Variants in KATNA1 observed in about 807,000 individuals in gnomAD.
KATNA1 encodes the protein katanin p60 ATPase-containing subunit A1.
KATNA1 carries 42 observed loss-of-function variants against 62.6 expected under a neutral mutation model. The ratio of observed to expected loss-of-function variants is 0.67; its 90% confidence interval spans 0.52 to 0.87. KATNA1 has a LOEUF of 0.87. KATNA1 is among the 40% of genes least tolerant of loss of function. KATNA1 has a pLI of 0.00. For synonymous variants in KATNA1, 186 were observed against 201.9 expected, an observed-to-expected ratio of 0.92 and a Z score of 0.67; for missense variants, 498 against 612.5, an observed-to-expected ratio of 0.81 and a Z score of 1.97.
At chr6:149,608,457 G>A (rs763669304) in intron 4 of KATNA1, among the ~76,000 whole-genome samples, 30 of 152,174 alleles carry the variant, frequency 2.0e-4, no homozygotes, top group Non-Finnish European at 3.5e-4. Flanking sequence ...GGAAGGGGCA[G>A]TCTAGCAAGA....
intron 1 of KATNA1, among the ~76,000 whole-genome samples, chr6:149,645,722 G>A (rs1780460563): frequency 6.6e-6 from 1 of 152,186 alleles, no homozygotes; most frequent in East Asian, 1.9e-4. Flanking sequence ...GTTAGCTAAT[G>A]ACTAAATTAA....
chr6:149,609,680 A>G (rs9485405), intron 4 of KATNA1, among the ~76,000 whole-genome samples: 68,762 of 151,122 alleles, frequency 0.46, 17,009 homozygotes, highest in East Asian at 0.81. Context: ...ATGGGCACCT[A>G]TAATCCTAGC....
At chr6:149,603,991 A>G (rs1434026982) in intron 5 of KATNA1, among the ~76,000 whole-genome samples, 1 of 152,228 alleles carries the variant, frequency 6.6e-6, no homozygotes, top group Non-Finnish European at 1.5e-5. Context: ...CCTAATAATC[A>G]TTAAGGTTTT....
intron 1 of KATNA1, among the ~76,000 whole-genome samples, chr6:149,648,022 G>A (rs896988501): frequency 1.3e-5 from 2 of 152,098 alleles, no homozygotes; most frequent in Admixed American, 6.5e-5. Flanking sequence ...CCGGGCTCTA[G>A]AATAAATAAG....
chr6:149,596,676 C>T (rs62439788), intron 10 of KATNA1, among the ~76,000 whole-genome samples: 5 of 151,832 alleles, frequency 3.3e-5, no homozygotes, highest in South Asian at 2.1e-4. Flanking sequence ...TGGGCTCAAG[C>T]GATCCTCCTG....
chr6:149,618,750 T>C (rs1168638469), intron 4 of KATNA1, among the ~76,000 whole-genome samples: 1 of 152,148 alleles, frequency 6.6e-6, no homozygotes, highest in Non-Finnish European at 1.5e-5. Context: ...TTTTAATAAG[T>C]GGTGCTGAGA....
chr6:149,627,983 C>T (rs867346942), intron 3 of KATNA1, among the ~76,000 whole-genome samples: 17 of 151,870 alleles, frequency 1.1e-4, no homozygotes, highest in Middle Eastern at 3.2e-3. Flanking sequence ...GGGTTTTATT[C>T]TGTGAGATGG....
intron 5 of KATNA1, 80 bp from the exon 6 acceptor site, chr6:149,603,453 C>G: frequency 1.5e-6 from 1 of 648,474 alleles, no homozygotes; most frequent in Non-Finnish European, 2.7e-6. Context: ...ACTGGAAGCA[C>G]ATGATGTTGC....
At chr6:149,635,409 C>T (rs1022500744) in intron 2 of KATNA1, among the ~76,000 whole-genome samples, 1 of 152,218 alleles carries the variant, frequency 6.6e-6, no homozygotes, top group African/African-American at 2.4e-5. Context: ...GAACTGTATA[C>T]TTAAAAATGG....
chr6:149,641,176 C>T (rs543518318), intron 1 of KATNA1, among the ~76,000 whole-genome samples: 226 of 117,642 alleles, frequency 1.9e-3, no homozygotes, highest in African/African-American at 7.1e-3. Flanking sequence ...GGTCTGGCCT[C>T]GGGTTTTTTT....
intron 2 of KATNA1, among the ~76,000 whole-genome samples, chr6:149,634,480 T>C (rs1005684097): frequency 4.1e-4 from 63 of 151,940 alleles, no homozygotes; most frequent in Non-Finnish European, 1.6e-4. Context: ...AAAGCACAAC[T>C]TGTGAAAGTT....
chr6:149,638,727 A>ATTTT, intron 1 of KATNA1, 167 bp from the exon 2 acceptor site: 2 of 241,154 alleles, frequency 8.3e-6, no homozygotes, highest in Non-Finnish European at 7.5e-6. Flanking sequence ...TAAAAAAAAC[A>ATTTT]TTGTTTTTTT....
At chr6:149,620,161 C>G (rs1080670) in intron 4 of KATNA1, among the ~76,000 whole-genome samples, 70,017 of 151,866 alleles carry the variant, frequency 0.46, 17,421 homozygotes, top group East Asian at 0.81. Context: ...GTACAGAGTA[C>G]AATAATGGTT....
intron 4 of KATNA1, among the ~76,000 whole-genome samples, chr6:149,612,260 C>CA (rs201312460): frequency 0.016 from 2,411 of 152,202 alleles, 29 homozygotes; most frequent in Middle Eastern, 0.031. Context: ...ATAATCCCAG[C>CA]ACTTTGGGAG....
At chr6:149,621,679 G>C (rs1458193617) in intron 4 of KATNA1, among the ~76,000 whole-genome samples, 5 of 151,296 alleles carry the variant, frequency 3.3e-5, no homozygotes, top group Admixed American at 2.0e-4. Flanking sequence ...TTTTAGTAGA[G>C]ACAGGGTTTC....
At chr6:149,611,476 A>G (rs924672628) in intron 4 of KATNA1, among the ~76,000 whole-genome samples, 12 of 144,360 alleles carry the variant, frequency 8.3e-5, no homozygotes, top group African/African-American at 1.3e-4. Flanking sequence ...AAAAAAAAAA[A>G]AAAGAAAAAA....
At chr6:149,618,025 C>T (rs1319267708) in intron 4 of KATNA1, among the ~76,000 whole-genome samples, 2 of 146,250 alleles carry the variant, frequency 1.4e-5, no homozygotes, top group African/African-American at 5.0e-5. Context: ...CATGGTGGCA[C>T]ATGCCTGTAG....
rs144497418 is a variant in KATNA1, at chr6:149,598,340, T to A, written c.899A>T (p.Tyr300Phe). The change falls in exon 8 of 11, where the codon TAT (tyrosine) becomes TTT (phenylalanine). Residue 300 changes from tyrosine (Y) to phenylalanine (F), a missense_variant. Coordinates refer to ENST00000367411, the MANE Select transcript of KATNA1 (RefSeq NM_007044.4). Reference sequence around the variant, plus strand: ...ATCAATAAATATGGTGGCTGGAGAATAAAATCGAGCCTAAAGGAAGAAACC... The same window carrying A: ...ATCAATAAATATGGTGGCTGGAGAAAAAAATCGAGCCTAAAGGAAGAAACC... Reference protein sequence around the residue: ...VRLLFEMARFYSPATIFIDEI... With the variant: ...VRLLFEMARFFSPATIFIDEI... The A allele has an allele frequency of 6.2e-7, 1 of 1,613,806 alleles. No individual in the cohort carries two copies.
At chr6:149,621,444 C>T (rs919055550) in intron 4 of KATNA1, among the ~76,000 whole-genome samples, 2 of 151,010 alleles carry the variant, frequency 1.3e-5, no homozygotes, top group Admixed American at 1.3e-4. Context: ...TTATATGATA[C>T]ACTGAGAGAA....
Sources: allele counts gnomAD v4.1 joint callset (sites outside exome capture counted in the v4.1 genomes callset), GRCh38; gene constraint gnomAD v4.1.1; transcripts MANE v1.5; gene names NCBI Gene and HGNC (gene_info 2026-07-23, HGNC 2026-07-21).